Variants in NCAM1 observed in about 807,000 individuals in gnomAD.
The protein encoded by NCAM1 is neural cell adhesion molecule 1.
NCAM1 carries 14 observed loss-of-function variants against 109.8 expected under a neutral mutation model. The ratio of observed to expected loss-of-function variants is 0.13; its 90% CI spans 0.08 to 0.20. NCAM1 has a LOEUF of 0.20. Among genes scored for constraint, NCAM1 ranks in the 10% least tolerant of loss-of-function variants. The pLI, the probability that NCAM1 is intolerant of heterozygous loss-of-function variation, is 1.00. For missense variants in NCAM1, 774 were observed against 1,109.9 expected, an observed-to-expected ratio of 0.70 and a Z score of 4.30; for synonymous variants, 418 against 442.9, an observed-to-expected ratio of 0.94 and a Z score of 0.70.
rs189103337 is a variant in NCAM1 at position 112,986,259 on chromosome 11, T to A, written c.52+24595T>A. ...ACCATGCTTGTTTTCGAGGAATATA[T>A]CCCCTTGATTATGGTGAGTTATCCT... On this transcript the variant is annotated intron_variant, in intron 1 of 19. Transcript: ENST00000316851. Among the ~76,000 whole-genome samples the A allele has an allele frequency of 4.8e-4, 73 of 152,054 alleles. No individual in the cohort carries two copies. In the East Asian group the frequency reaches 0.014, roughly 28 times the overall value.
intron 1 of NCAM1, among the ~76,000 whole-genome samples, chr11:112,997,814 A>C (rs1379451387): frequency 3.3e-5 from 5 of 152,244 alleles, no homozygotes; most frequent in Admixed American, 2.0e-4. Context: ...AAAGCAGTAT[A>C]TTCTGGTGGC....
At chr11:112,995,741 C>A (rs1304273715) in intron 1 of NCAM1, among the ~76,000 whole-genome samples, 1 of 152,128 alleles carries the variant, frequency 6.6e-6, no homozygotes, top group Non-Finnish European at 1.5e-5. Context: ...ATGCAATTGG[C>A]TAGCTTTAGG....
At chr11:113,177,503 A>C (rs1555107247) in intron 1 of NCAM1, among the ~76,000 whole-genome samples, 1 of 152,110 alleles carries the variant, frequency 6.6e-6, no homozygotes, top group African/African-American at 2.4e-5. Context: ...GCACGACCTC[A>C]GCTCACTGCA....
intron 1 of NCAM1, among the ~76,000 whole-genome samples, chr11:113,159,027 C>T (rs1555103890): frequency 6.6e-6 from 1 of 152,164 alleles, no homozygotes; most frequent in African/African-American, 2.4e-5. Context: ...ACGTAAAGCT[C>T]AGCATCTCCT....
chr11:113,185,068 T>TTATATATA lies in NCAM1; in HGVS notation c.53-17306_53-17299dup, dbSNP rs148340673. 8.6e-3 allele frequency among the ~76,000 whole-genome samples: 861 copies of TTATATATA among 99,550 alleles called. 10 individuals carry two copies. Among genetic ancestry groups the TTATATATA allele is most frequent in the African/African-American group, 0.022 (528 of 23,986 alleles). The allele number at this position is 99,550 out of a possible 152,430, so 65.3% of individuals were successfully genotyped here. ...TATGTGTATGTGTGTGCATTTATAT[T>TTATATATA]TATATATATATAGAGAGAGAGAGAG... On this transcript the variant is annotated intron_variant, in intron 1 of 19. Coordinates refer to ENST00000316851, the MANE Select transcript of NCAM1 (RefSeq NM_181351.5).
chr11:113,156,136 CAACGGGGAGA>C (rs1942401789), intron 1 of NCAM1, among the ~76,000 whole-genome samples: 1 of 152,008 alleles, frequency 6.6e-6, no homozygotes, highest in South Asian at 2.1e-4. Context: ...CAGGACTTGA[CAACGGGGAGA>C]AACATGTATA....
chr11:113,145,095 T>C (rs1022375550), intron 1 of NCAM1, among the ~76,000 whole-genome samples: 2 of 152,352 alleles, frequency 1.3e-5, no homozygotes, highest in African/African-American at 4.8e-5. Context: ...AATACACTGA[T>C]TCAAGCTACT....
intron 1 of NCAM1, among the ~76,000 whole-genome samples, chr11:112,978,927 A>T (rs1555068145): frequency 6.6e-6 from 1 of 151,876 alleles, no homozygotes; most frequent in African/African-American, 2.4e-5. Context: ...GTTTCCTAAA[A>T]ACCATTTGGC....
chr11:113,058,746 A>G (rs979460640), intron 1 of NCAM1, among the ~76,000 whole-genome samples: 5 of 152,210 alleles, frequency 3.3e-5, no homozygotes, highest in Admixed American at 6.5e-5. Flanking sequence ...GCCTCTCATA[A>G]TGATTCCACC....
At chr11:113,275,147 G>C in intron 19 of NCAM1, 120 bp from the exon 20 acceptor site, 1 of 1,341,070 alleles carries the variant, frequency 7.5e-7, no homozygotes, top group Non-Finnish European at 1.0e-6. Flanking sequence ...GCAGAGGTTG[G>C]AGCCGGGTGC....
At chr11:113,128,908 T>G (rs10736465) in intron 1 of NCAM1, among the ~76,000 whole-genome samples, 1,126 of 17,496 alleles carry the variant, frequency 0.064, 6 homozygotes, top group East Asian at 0.18. Flanking sequence ...GTTGTGAGGG[T>G]GTGTGTGTGT....
At chr11:113,124,890 G>A (rs1941116369) in intron 1 of NCAM1, among the ~76,000 whole-genome samples, 1 of 152,164 alleles carries the variant, frequency 6.6e-6, no homozygotes, top group South Asian at 2.1e-4. Context: ...TTTAACGTGT[G>A]TCATAAAGAT....
At chr11:113,179,480 A>G (rs1943265651) in intron 1 of NCAM1, among the ~76,000 whole-genome samples, 1 of 152,312 alleles carries the variant, frequency 6.6e-6, no homozygotes, top group Non-Finnish European at 1.5e-5. Context: ...CAGCTCACCC[A>G]CTGTGCAGGG....
intron 1 of NCAM1, among the ~76,000 whole-genome samples, chr11:113,069,574 G>A (rs545061691): frequency 4.8e-4 from 73 of 152,316 alleles, no homozygotes; most frequent in African/African-American, 1.7e-3. Context: ...CTGGGCTGGT[G>A]CATTTGTCTG....
intron 1 of NCAM1, among the ~76,000 whole-genome samples, chr11:113,060,485 G>A (rs559187870): frequency 1.3e-5 from 2 of 152,152 alleles, no homozygotes; most frequent in South Asian, 4.2e-4. Context: ...TTATGTCTTT[G>A]GTGATGTGCG....
intron 8 of NCAM1, among the ~76,000 whole-genome samples, 194 bp from the exon 9 acceptor site, chr11:113,221,101 GA>G (rs1296758945): frequency 6.6e-5 from 10 of 151,986 alleles, no homozygotes; most frequent in Admixed American, 5.9e-4. Flanking sequence ...GCCTAAGGGG[GA>G]AAAAAAGCTG....
intron 1 of NCAM1, among the ~76,000 whole-genome samples, chr11:113,172,169 G>T (rs1555106348): frequency 1.3e-5 from 2 of 152,202 alleles, no homozygotes; most frequent in African/African-American, 4.8e-5. Flanking sequence ...GTTTCAGCCA[G>T]CCCTAGAAAA....
intron 1 of NCAM1, among the ~76,000 whole-genome samples, chr11:113,092,767 A>T (rs1484936315): frequency 1.3e-5 from 2 of 151,992 alleles, no homozygotes; most frequent in East Asian, 3.9e-4. Context: ...AAGTAATTAC[A>T]CTCACTTGTG....
chr11:113,071,135 G>A (rs565897988), intron 1 of NCAM1, among the ~76,000 whole-genome samples: 1 of 152,240 alleles, frequency 6.6e-6, no homozygotes, highest in Non-Finnish European at 1.5e-5. Flanking sequence ...AAAAAGGACA[G>A]GAAGAGGAAT....
Sources: allele counts gnomAD v4.1 joint callset (sites outside exome capture counted in the v4.1 genomes callset), GRCh38; gene constraint gnomAD v4.1.1; transcripts MANE v1.5; gene names NCBI Gene and HGNC (gene_info 2026-07-23, HGNC 2026-07-21).